LCT: variants seen among roughly 807,000 people sequenced by gnomAD.
LCT encodes lactase.
A neutral mutation model predicts 173.0 loss-of-function variants in LCT; 90 were observed. The observed-to-expected ratio is 0.52, with a 90% CI of 0.44 to 0.62. The LOEUF (loss-of-function observed/expected upper bound fraction) is 0.62, where lower values mean the gene tolerates loss of function less well. Ranked by LOEUF, LCT falls within the 20% of genes least tolerant of loss-of-function variation. The pLI is 0.00. For missense variants in LCT, 1,864 were observed against 2,431.4 expected, an observed-to-expected ratio of 0.77 and a Z score of 4.91; for synonymous variants, 853 against 957.6, an observed-to-expected ratio of 0.89 and a Z score of 2.02.
chr2:135,788,628 G>C (rs1450348313), intron 16 of LCT, 84 bp from the exon 17 acceptor site: 1 of 894,268 alleles, frequency 1.1e-6, no homozygotes, highest in African/African-American at 1.6e-5. Flanking sequence ...GAGGCTGCAC[G>C]GTACCCCAAA....
At chr2:135,822,148 A>G in intron 4 of LCT, 50 bp from the exon 5 acceptor site, 1 of 1,079,156 alleles carries the variant, frequency 9.3e-7, no homozygotes, top group Non-Finnish European at 1.4e-6. Flanking sequence ...AACTAAGAAC[A>G]TGCAAGTCTG....
At chr2:135,830,636 A>G (rs1377666049) in intron 2 of LCT, among the ~76,000 whole-genome samples, 1 of 152,168 alleles carries the variant, frequency 6.6e-6, no homozygotes, top group Non-Finnish European at 1.5e-5. Flanking sequence ...AAAGTTCAAA[A>G]AATTGCAGCC....
chr2:135,824,839 T>C (rs2077871077), intron 3 of LCT, among the ~76,000 whole-genome samples: 1 of 150,964 alleles, frequency 6.6e-6, no homozygotes, highest in African/African-American at 2.4e-5. Flanking sequence ...CCTGTCTTTA[T>C]CAAAAATACA....
At chr2:135,828,665 CAAGT>C (rs974094897) in intron 3 of LCT, among the ~76,000 whole-genome samples, 1 of 152,134 alleles carries the variant, frequency 6.6e-6, no homozygotes, top group Non-Finnish European at 1.5e-5. Context: ...GGGAATGAAG[CAAGT>C]AAGTCACACA....
chr2:135,808,465 G>C lies in LCT; in HGVS notation c.3882C>G (p.Thr1294=), dbSNP rs773521902. Residue 1294 remains threonine (T), a synonymous_variant, in exon 8 of 17, where the codon ACC becomes ACG. Coordinates refer to ENST00000264162, the MANE Select transcript of LCT (RefSeq NM_002299.4). ...CACCTTTCAAAGCCTCATTGATGTAGGTTTTGTGGTAAAATATCCTATCAG... is the reference window on the plus strand; with the variant it reads ...CACCTTTCAAAGCCTCATTGATGTACGTTTTGTGGTAAAATATCCTATCAG... ...EDTDRIFYHK[T]YINEALKAYR... 6.2e-7 allele frequency: 1 copy of C among 1,613,874 alleles called. No homozygotes were observed. The highest frequency in any genetic ancestry group is 8.5e-7 in the Non-Finnish European group (1 of 1,179,762).
At chr2:135,823,772 G>A in intron 4 of LCT, 129 bp downstream of exon 4, 1 of 722,706 alleles carries the variant, frequency 1.4e-6, no homozygotes, top group South Asian at 1.5e-5. Flanking sequence ...CCCAGTCTGG[G>A]GTGGGCTTTT....
At chr2:135,810,029 A>G (rs745444470) in intron 7 of LCT, 36 bp from the exon 8 acceptor site, 1 of 1,418,998 alleles carries the variant, frequency 7.0e-7, no homozygotes, top group African/African-American at 1.4e-5. Flanking sequence ...TTATTTATTT[A>G]TGGATTTATT....
At position 135,788,314 on chromosome 2, in the gene LCT, T is replaced by G. The variant is rs200994158; in HGVS notation, c.*10A>C. The G allele has an allele frequency of 3.1e-3, 4,910 of 1,597,068 alleles. 23 individuals carry two copies. Among genetic ancestry groups the G allele is most frequent in the Non-Finnish European group, 2.7e-3 (3,092 of 1,165,974 alleles). On this transcript the variant is annotated 3_prime_UTR_variant, in exon 17 of 17. Coordinates refer to ENST00000264162, the MANE Select transcript of LCT (RefSeq NM_002299.4). ...TAGGCCTGCTTCATAGAACTTGAGG[T>G]GGTAACTCATCAGAATGAAGACACC... is the stretch of plus-strand genomic sequence containing the variant.
At chr2:135,827,755 C>A (rs2077899521) in intron 3 of LCT, among the ~76,000 whole-genome samples, 1 of 152,198 alleles carries the variant, frequency 6.6e-6, no homozygotes, top group South Asian at 2.1e-4. Flanking sequence ...TGCTTGCTCG[C>A]CTGCCACTCA....
chr2:135,795,504 C>T (rs1230475833), intron 13 of LCT, among the ~76,000 whole-genome samples: 1 of 151,876 alleles, frequency 6.6e-6, no homozygotes, highest in African/African-American at 2.4e-5. Flanking sequence ...CCACCACACC[C>T]GGCCCTGTAT....
Position 135,821,138 on chromosome 2 carries a change from C to T in LCT, c.986+882G>A, listed in dbSNP as rs1255526213. 4.6e-5 allele frequency among the ~76,000 whole-genome samples: 7 copies of T among 152,202 alleles called. No individual in the cohort carries two copies. In the East Asian group the frequency reaches 1.2e-3, roughly 25 times the overall value. ...CCTCGTGATCCACCCGCCTCAGCCT[C>T]CCAAAGTTCTGGGATTACAGGCGTG... On this transcript the variant is annotated intron_variant, in intron 5 of 16. Transcript: ENST00000264162.
At chr2:135,791,478 C>T (rs1336986008) in intron 14 of LCT, among the ~76,000 whole-genome samples, 1 of 152,144 alleles carries the variant, frequency 6.6e-6, no homozygotes, top group Non-Finnish European at 1.5e-5. Context: ...CTGGGGGAGG[C>T]CACAGAAGCC....
In LCT at chr2:135,809,815, C is replaced by A. The variant is rs1405957248; in HGVS notation, c.2532G>T (p.Lys844Asn). Residue 844 changes from lysine (K) to asparagine (N), a missense_variant, in exon 8 of 17, where the codon AAG (lysine) becomes AAT (asparagine). Around this residue, in one of 4 missense-constraint regions of LCT, gnomAD observed 755 missense variants for 926.3 expected, o/e 0.82. Transcript: ENST00000264162. This position sits in a 1 kb window ranked among gnomAD's most constrained non-coding sequence, Gnocchi z 5.5. Reference sequence around the variant, plus strand: ...TTGCCCCCTTGGTGAGGAAACCGTTCTTTTCTATGATGCTAGTGAAAAAGT... The same window carrying A: ...TTGCCCCCTTGGTGAGGAAACCGTTATTTTCTATGATGCTAGTGAAAAAGT... ...SAYFFTSIIE[K>N]NGFLTKGAKR... 4 of 1,614,158 alleles carry A rather than the reference C, an allele frequency of 2.5e-6. No individual in the cohort carries two copies. Among genetic ancestry groups the A allele is most frequent in the Non-Finnish European group, 8.5e-7 (1 of 1,180,030 alleles).
chr2:135,801,948 G>A (rs938559873), intron 11 of LCT, among the ~76,000 whole-genome samples: 6 of 152,022 alleles, frequency 3.9e-5, no homozygotes, highest in South Asian at 2.1e-4. Flanking sequence ...CATGGCTCAC[G>A]GCAGCCTTGA....
chr2:135,804,650 A>G, intron 10 of LCT, 117 bp downstream of exon 10: 1 of 1,049,574 alleles, frequency 9.5e-7, no homozygotes, highest in South Asian at 1.4e-5. Context: ...AAAAACAACA[A>G]TAACAACAAA....
At chr2:135,822,663 C>T (rs912587804) in intron 4 of LCT, 1 of 160,786 alleles carries the variant, frequency 6.2e-6, no homozygotes, top group African/African-American at 2.4e-5. Context: ...TATGGATAAA[C>T]TTCAGGGGCC....
At chr2:135,827,508 A>G (rs894446662) in intron 3 of LCT, among the ~76,000 whole-genome samples, 1 of 152,040 alleles carries the variant, frequency 6.6e-6, no homozygotes, top group African/African-American at 2.4e-5. Context: ...GTGGTCCCCA[A>G]CATTCTTGGC....
intron 4 of LCT, among the ~76,000 whole-genome samples, chr2:135,823,398 A>T (rs919630449): frequency 3.3e-5 from 5 of 152,162 alleles, no homozygotes; most frequent in African/African-American, 1.2e-4. Context: ...GAACTAAGAG[A>T]CACTAGGAAG....
intron 14 of LCT, among the ~76,000 whole-genome samples, chr2:135,791,561 G>GA (rs3834113): frequency 0.01 from 1,544 of 150,384 alleles, 21 homozygotes; most frequent in African/African-American, 0.033. Flanking sequence ...ATCTTTCAGG[G>GA]AAAAAAAAAA....
Sources: allele counts gnomAD v4.1 joint callset (sites outside exome capture counted in the v4.1 genomes callset), GRCh38; gene constraint gnomAD v4.1.1; regional missense constraint gnomAD v4.1.1; non-coding constraint Gnocchi (gnomAD v3.1); transcripts MANE v1.5; gene names NCBI Gene and HGNC (gene_info 2026-07-23, HGNC 2026-07-21).